MVB12B: variants seen among roughly 807,000 people sequenced by gnomAD.
MVB12B encodes the protein ESCRT-I complex subunit MVB12B.
MVB12B carries 16 observed loss-of-function variants against 41.6 expected under a neutral mutation model. The observed-to-expected ratio is 0.38, with a 90% CI of 0.26 to 0.58. MVB12B has a LOEUF of 0.58. MVB12B is among the 20% of genes least tolerant of loss of function. MVB12B has a pLI of 0.62. For synonymous variants in MVB12B, 133 were observed against 139.7 expected (o/e 0.95, Z 0.34); for missense variants, 274 against 380.2 (o/e 0.72, Z 2.32).
At chr9:126,428,043 C>A (rs529983405) in intron 7 of MVB12B, among the ~76,000 whole-genome samples, 1 of 152,188 alleles carries the variant, frequency 6.6e-6, no homozygotes, top group East Asian at 1.9e-4. Context: ...AACCAGCCCC[C>A]CTTTCAGGAT....
At chr9:126,481,089 G>T in intron 7 of MVB12B, 1 of 450,426 alleles carries the variant, frequency 2.2e-6, no homozygotes, top group Non-Finnish European at 4.0e-6. Context: ...TGGAGAGTAG[G>T]GGTTCTGGAC....
chr9:126,399,113 G>C (rs1300910008), intron 6 of MVB12B, among the ~76,000 whole-genome samples: 1 of 152,202 alleles, frequency 6.6e-6, no homozygotes, highest in African/African-American at 2.4e-5. Context: ...GAGCAGGCAG[G>C]TCCCCAGGGA....
chr9:126,442,185 A>G (rs1363108378), intron 7 of MVB12B, among the ~76,000 whole-genome samples: 1 of 152,222 alleles, frequency 6.6e-6, no homozygotes, highest in Non-Finnish European at 1.5e-5. Flanking sequence ...TAACACACAT[A>G]AAGAATAATG....
chr9:126,353,750 C>G (rs567944822), intron 2 of MVB12B, among the ~76,000 whole-genome samples: 1 of 152,236 alleles, frequency 6.6e-6, no homozygotes, highest in South Asian at 2.1e-4. Flanking sequence ...GTATGTTTCC[C>G]TACTGTAGAA....
intron 5 of MVB12B, among the ~76,000 whole-genome samples, chr9:126,394,434 T>C (rs1200336271): frequency 6.6e-6 from 1 of 152,252 alleles, no homozygotes; most frequent in African/African-American, 2.4e-5. Flanking sequence ...GAAATATTGC[T>C]ATAGTTTTAT....
At chr9:126,414,781 A>T (rs1831760693) in intron 6 of MVB12B, among the ~76,000 whole-genome samples, 1 of 152,032 alleles carries the variant, frequency 6.6e-6, no homozygotes, top group Admixed American at 6.5e-5. Context: ...ACTGCTGTCC[A>T]TAAGTGCACC....
intron 9 of MVB12B, among the ~76,000 whole-genome samples, chr9:126,497,024 G>GGACTA (rs1564352542): frequency 1.3e-5 from 2 of 152,184 alleles, no homozygotes; most frequent in East Asian, 3.8e-4. Context: ...ACTGGGATGC[G>GGACTA]GACTAGTAGA....
chr9:126,397,904 T>A (rs1171037206), intron 6 of MVB12B, among the ~76,000 whole-genome samples: 1 of 152,052 alleles, frequency 6.6e-6, no homozygotes, highest in Non-Finnish European at 1.5e-5. Context: ...TGGGGAGCAG[T>A]GGCTGGGGCT....
Position 126,459,219 on chromosome 9 carries a change from T to TC in MVB12B, c.758-22149dup, listed in dbSNP as rs1361241226. ...TATTTCTTGATGCCTTGTCGTAAAC[T>TC]CAGAGTGTCACGAGCCTGGCCTGCT... On this transcript the variant is annotated intron_variant, in intron 7 of 9. Transcript: ENST00000361171. This position sits in a 1 kb window ranked among gnomAD's most constrained non-coding sequence, Gnocchi z 4.3. Among the ~76,000 whole-genome samples, 1 of 152,198 alleles carries TC rather than the reference T, an allele frequency of 6.6e-6. No homozygotes were observed. Among genetic ancestry groups the TC allele is most frequent in the Non-Finnish European group, 1.5e-5 (1 of 68,028 alleles).
chr9:126,475,693 T>A (rs1303162267), intron 7 of MVB12B, among the ~76,000 whole-genome samples: 1 of 152,116 alleles, frequency 6.6e-6, no homozygotes, highest in East Asian at 1.9e-4. Context: ...TGGGATCCTA[T>A]CACCTCCTCT....
chr9:126,391,017 A>G lies in MVB12B; in HGVS notation c.410-1049A>G, dbSNP rs1392091333. Among the ~76,000 whole-genome samples, 1 of 152,122 alleles carries G rather than the reference A, an allele frequency of 6.6e-6. No individual in the cohort carries two copies. Among genetic ancestry groups the G allele is most frequent in the East Asian group, 1.9e-4 (1 of 5,200 alleles). On this transcript the variant is annotated intron_variant, in intron 4 of 9. Transcript: ENST00000361171. This position sits in a 1 kb window ranked among gnomAD's most constrained non-coding sequence, Gnocchi z 4.4. ...CAAAAATCACCATTGTGAACCTTTA[A>G]TAAAACATGGATCTTAGCAACAGTC...
chr9:126,333,595 G>T lies in MVB12B; in HGVS notation c.81+6585G>T, dbSNP rs977253270. On this transcript the variant is annotated intron_variant, in intron 1 of 9. Coordinates refer to ENST00000361171, the MANE Select transcript of MVB12B (RefSeq NM_033446.3). This position sits in a 1 kb window ranked among gnomAD's most constrained non-coding sequence, Gnocchi z 4.7. ...ATTTTTGTATTTTTAGTAGAGATGC[G>T]GTTTTGCCATGTTGGCCAGGCTGGT... is the stretch of plus-strand genomic sequence containing the variant. Among the ~76,000 whole-genome samples the T allele has an allele frequency of 6.6e-6, 1 of 151,642 alleles. No individual in the cohort carries two copies. The highest frequency in any genetic ancestry group is 1.5e-5 in the Non-Finnish European group (1 of 67,946).
At chr9:126,372,235 A>G (rs965921796) in intron 2 of MVB12B, among the ~76,000 whole-genome samples, 1 of 152,240 alleles carries the variant, frequency 6.6e-6, no homozygotes, top group East Asian at 1.9e-4. Flanking sequence ...TTATGACCGA[A>G]TACTATTTCA....
intron 7 of MVB12B, among the ~76,000 whole-genome samples, chr9:126,455,549 A>T (rs893461994): frequency 2.6e-5 from 4 of 152,088 alleles, no homozygotes; most frequent in Admixed American, 2.0e-4. Context: ...CAGTGGCAAG[A>T]TCATCACTCA....
At chr9:126,411,788 G>A (rs1266772812) in intron 6 of MVB12B, among the ~76,000 whole-genome samples, 1 of 152,160 alleles carries the variant, frequency 6.6e-6, no homozygotes, top group Non-Finnish European at 1.5e-5. Context: ...TAAAATAACT[G>A]ACTTTCTGTT....
In MVB12B at chr9:126,503,437, A is replaced by G; in HGVS notation, c.*174A>G. The G allele has an allele frequency of 1.7e-6, 1 of 603,494 alleles. No individual in the cohort carries two copies. The highest frequency in any genetic ancestry group is 2.9e-6 in the Non-Finnish European group (1 of 340,040). The allele number at this position is 603,494 out of a possible 1,614,324, so 37.4% of individuals were successfully genotyped here. ...GCGCATCCTGTCTTCAGCTGGCCTC[A>G]CTGACACCCCGGCCTCCCTGGGGAC... On this transcript the variant is annotated 3_prime_UTR_variant, in exon 10 of 10. Transcript: ENST00000361171.
intron 7 of MVB12B, among the ~76,000 whole-genome samples, chr9:126,441,111 T>TTTGGA: frequency 6.6e-6 from 1 of 152,298 alleles, no homozygotes. Flanking sequence ...TTGTATTCCG[T>TTTGGA]TTGGAGCACA....
In MVB12B at chr9:126,458,231, A is replaced by T. The variant is rs898710719; in HGVS notation, c.758-23138A>T. Among the ~76,000 whole-genome samples, 11 of 152,222 alleles carry T rather than the reference A, an allele frequency of 7.2e-5. No homozygotes were observed. In the South Asian group the frequency reaches 1.0e-3, roughly 14 times the overall value. On this transcript the variant is annotated intron_variant, in intron 7 of 9. Coordinates refer to ENST00000361171, the MANE Select transcript of MVB12B (RefSeq NM_033446.3). ...ACCAGGTCACACTGAGCAAGCGGGTAAACGTCTCTGTGCCCAGGCTCAGCC... is the reference window on the plus strand; with the variant it reads ...ACCAGGTCACACTGAGCAAGCGGGTTAACGTCTCTGTGCCCAGGCTCAGCC...
At chr9:126,372,920 A>G (rs994254618) in intron 2 of MVB12B, among the ~76,000 whole-genome samples, 10 of 152,148 alleles carry the variant, frequency 6.6e-5, no homozygotes, top group Admixed American at 1.3e-4. Context: ...GAGGCAGGAA[A>G]TGGCGGGGCA....
Sources: allele counts gnomAD v4.1 joint callset (sites outside exome capture counted in the v4.1 genomes callset), GRCh38; gene constraint gnomAD v4.1.1; non-coding constraint Gnocchi (gnomAD v3.1); transcripts MANE v1.5; gene names NCBI Gene and HGNC (gene_info 2026-07-23, HGNC 2026-07-21).